Variants in ATRX observed in about 807,000 individuals in gnomAD.
The protein encoded by ATRX is chromatin remodeler ATRX.
Under a neutral mutation model 172.6 loss-of-function variants are expected in ATRX, and 12 were observed. The observed-to-expected ratio is 0.07, with a 90% CI of 0.04 to 0.11. ATRX has a LOEUF of 0.11. ATRX is among the 10% of genes least tolerant of loss of function. The pLI, the probability that ATRX is intolerant of heterozygous loss-of-function variation, is 1.00. For missense variants in ATRX, 1,368 were observed against 1,767.4 expected (o/e 0.77, Z 4.05); for synonymous variants, 674 against 594.7 (o/e 1.13, Z -1.94).
At chrX:77,605,171 A>G in intron 22 of ATRX, among the ~76,000 whole-genome samples, 1 of 112,525 alleles carries the variant, frequency 8.9e-6, no homozygotes, top group Non-Finnish European at 1.9e-5. Flanking sequence ...TCACGTCTGT[A>G]ATCCCAGAAC....
At chrX:77,606,954 C>G (rs5912626) in intron 22 of ATRX, among the ~76,000 whole-genome samples, 2 of 110,793 alleles carry the variant, frequency 1.8e-5, no homozygotes, top group Non-Finnish European at 3.8e-5. Context: ...AATAAAAAGC[C>G]CTAAAAAACT....
rs372080628 is a variant in ATRX, at chrX:77,774,240, G to C, written c.20+11742C>G. Among the ~76,000 whole-genome samples the C allele has an allele frequency of 1.2e-4, 13 of 110,104 alleles. No homozygotes were observed. In the East Asian group the frequency reaches 2.9e-3, roughly 24 times the overall value. On this transcript the variant is annotated intron_variant, in intron 1 of 34. Coordinates refer to ENST00000373344, the MANE Select transcript of ATRX (RefSeq NM_000489.6). The stretch of plus-strand genomic sequence containing the variant: ...TGTCTCAAAAAAAAAAAAATGGCAA[G>C]GTGAGCTGTTCCAGATGACAATGAA...
At chrX:77,729,828 T>G (rs1241455728) in intron 1 of ATRX, among the ~76,000 whole-genome samples, 1 of 110,846 alleles carries the variant, frequency 9.0e-6, no homozygotes, top group African/African-American at 3.3e-5. Context: ...TCCCAGCTAC[T>G]CGGTAGGCTG....
chrX:77,728,248 C>T (rs1454644817), intron 1 of ATRX, among the ~76,000 whole-genome samples: 2 of 109,432 alleles, frequency 1.8e-5, no homozygotes, highest in Non-Finnish European at 3.8e-5. Context: ...ATTATCACTT[C>T]GCAGAAGGAT....
At position 77,691,703 on chromosome X, in the gene ATRX, A is replaced by G. The variant is rs182648932; in HGVS notation, c.484+2121T>C. On this transcript the variant is annotated intron_variant, in intron 6 of 34. Coordinates refer to ENST00000373344, the MANE Select transcript of ATRX (RefSeq NM_000489.6). Reference sequence around the variant, plus strand: ...CATTTCTTGTAATACAAGAAAGTTTACATTCTTGACAGTTTCCTAAGTTAG... The same window carrying G: ...CATTTCTTGTAATACAAGAAAGTTTGCATTCTTGACAGTTTCCTAAGTTAG... Among the ~76,000 whole-genome samples, 5 of 111,146 alleles carry G rather than the reference A, an allele frequency of 4.5e-5. No homozygotes were observed. The East Asian group carries it at 1.4e-3, about 31-fold the overall frequency.
At chrX:77,577,915 C>G (rs2148034440) in intron 27 of ATRX, among the ~76,000 whole-genome samples, 1 of 111,837 alleles carries the variant, frequency 8.9e-6, no homozygotes, top group Non-Finnish European at 1.9e-5. Context: ...AGTACCTGAT[C>G]TTAACTTCAT....
chrX:77,666,408 A>G (rs2070238885), intron 10 of ATRX, among the ~76,000 whole-genome samples: 1 of 112,471 alleles, frequency 8.9e-6, no homozygotes, highest in South Asian at 3.6e-4. Context: ...CCAAAAAAAG[A>G]AATTTAAACC....
intron 1 of ATRX, among the ~76,000 whole-genome samples, chrX:77,743,493 T>C (rs1372516923): frequency 9.0e-6 from 1 of 110,797 alleles, no homozygotes; most frequent in Non-Finnish European, 1.9e-5. Context: ...TACCAGGGGA[T>C]TCCACAACCA....
At chrX:77,689,921 C>T (rs1569540045) in intron 6 of ATRX, among the ~76,000 whole-genome samples, 1 of 111,969 alleles carries the variant, frequency 8.9e-6, no homozygotes, top group African/African-American at 3.2e-5. Flanking sequence ...AAAAAGGAGA[C>T]AACTAAAAAA....
At chrX:77,742,638 C>T (rs1024663573) in intron 1 of ATRX, among the ~76,000 whole-genome samples, 9 of 111,775 alleles carry the variant, frequency 8.1e-5, no homozygotes, top group African/African-American at 2.3e-4. Context: ...AACAGAAAAG[C>T]GACAGCAAAA....
At chrX:77,585,299 C>T (rs1296259949) in intron 27 of ATRX, among the ~76,000 whole-genome samples, 3 of 109,637 alleles carry the variant, frequency 2.7e-5, no homozygotes, top group Non-Finnish European at 3.8e-5. Context: ...CCCAGCCAGA[C>T]GCAGTGGCTC....
At chrX:77,611,195 G>A (rs904775662) in intron 22 of ATRX, among the ~76,000 whole-genome samples, 29 of 111,141 alleles carry the variant, frequency 2.6e-4, no homozygotes, top group African/African-American at 9.1e-4. Flanking sequence ...TCTGTAGCCA[G>A]AAAACTAAGT....
rs782820047 is a variant in ATRX at position 77,673,437 on chromosome X, TCA to T, written c.3809+2787_3809+2788del. Reference sequence around the variant, plus strand: ...TACATAAAGCCTAAGCTCTAAATTTTCAGTTATATAAAATTCAAAATATATGA... The same window carrying T: ...TACATAAAGCCTAAGCTCTAAATTTTGTTATATAAAATTCAAAATATATGA... On this transcript the variant is annotated intron_variant, in intron 10 of 34. Coordinates refer to ENST00000373344, the MANE Select transcript of ATRX (RefSeq NM_000489.6). Among the ~76,000 whole-genome samples, 15 of 111,435 alleles carry T rather than the reference TCA, an allele frequency of 1.3e-4. No homozygotes were observed. The East Asian group carries it at 3.3e-3, about 25-fold the overall frequency.
At chrX:77,617,360 G>C (rs1264391402) in intron 21 of ATRX, among the ~76,000 whole-genome samples, 1 of 110,522 alleles carries the variant, frequency 9.0e-6, no homozygotes, top group African/African-American at 3.3e-5. Flanking sequence ...ACAGAAACAG[G>C]GTACTTGCTA....
At chrX:77,510,396 C>T (rs904192029) in intron 34 of ATRX, among the ~76,000 whole-genome samples, 1 of 110,663 alleles carries the variant, frequency 9.0e-6, no homozygotes, top group Non-Finnish European at 1.9e-5. Context: ...GAGACTCCTG[C>T]TTGAGAAAAG....
chrX:77,577,551 G>C (rs781864365), intron 27 of ATRX, among the ~76,000 whole-genome samples: 1 of 110,342 alleles, frequency 9.1e-6, no homozygotes, highest in East Asian at 2.8e-4. Context: ...TTTCCCATAT[G>C]GTAGGTTGCC....
chrX:77,703,287 T>A (rs1323044578), intron 2 of ATRX, among the ~76,000 whole-genome samples: 1 of 113,038 alleles, frequency 8.8e-6, no homozygotes, highest in African/African-American at 3.2e-5. Flanking sequence ...CTCATGCTAC[T>A]GGCCTGTGTC....
chrX:77,708,556 G>T (rs111845314), intron 2 of ATRX, among the ~76,000 whole-genome samples: 1,679 of 111,124 alleles, frequency 0.015, 28 homozygotes, highest in African/African-American at 0.052. Context: ...CAGCTACTTG[G>T]GAGGCCAAGG....
At chrX:77,573,184 C>T (rs887024196) in intron 28 of ATRX, among the ~76,000 whole-genome samples, 1 of 111,730 alleles carries the variant, frequency 9.0e-6, no homozygotes, top group African/African-American at 3.2e-5. Context: ...GAGTATAATA[C>T]ATATTTTTAC....
Sources: allele counts gnomAD v4.1 joint callset (sites outside exome capture counted in the v4.1 genomes callset), GRCh38; gene constraint gnomAD v4.1.1; transcripts MANE v1.5; gene names NCBI Gene and HGNC (gene_info 2026-07-23, HGNC 2026-07-21).